Variants in L3MBTL3 observed in about 807,000 individuals in gnomAD.
L3MBTL3 encodes L3MBTL histone methyl-lysine binding protein 3, also known as lethal(3)malignant brain tumor-like protein 3.
Under a neutral mutation model 102.3 loss-of-function variants are expected in L3MBTL3, and 27 were observed. The ratio of observed to expected loss-of-function variants is 0.26; its 90% CI spans 0.19 to 0.36. The LOEUF (loss-of-function observed/expected upper bound fraction) is 0.36, where lower values mean the gene tolerates loss of function less well. Among genes scored for constraint, L3MBTL3 ranks in the 10% least tolerant of loss-of-function variants. The pLI, the probability that L3MBTL3 is intolerant of heterozygous loss-of-function variation, is 1.00. For synonymous variants in L3MBTL3, 340 were observed against 320.9 expected, an observed-to-expected ratio of 1.06 and a Z score of -0.64; for missense variants, 798 against 955.3, an observed-to-expected ratio of 0.84 and a Z score of 2.17.
chr6:130,049,320 A>G lies in L3MBTL3; in HGVS notation c.141A>G (p.Thr47=). 1 of 1,613,882 alleles carries G rather than the reference A, an allele frequency of 6.2e-7. No homozygotes were observed. Among genetic ancestry groups the G allele is most frequent in the Non-Finnish European group, 8.5e-7 (1 of 1,179,768 alleles). Residue 47 remains threonine (T), a synonymous_variant, in exon 4 of 23, where the codon ACA becomes ACG. Coordinates refer to ENST00000361794, the MANE Select transcript of L3MBTL3 (RefSeq NM_032438.4). ...VNEFGALEVI[T]DENEMENVKK... is the part of the protein sequence containing the mutation. ...AGTTTGGAGCCCTGGAAGTTATTAC[A>G]GATGAGAATGAGATGGAAAATGTTA... is the stretch of plus-strand genomic sequence containing the variant.
At chr6:130,121,092 G>A in intron 20 of L3MBTL3, 134 bp downstream of exon 20, 1 of 621,028 alleles carries the variant, frequency 1.6e-6, no homozygotes, top group Non-Finnish European at 2.8e-6. Flanking sequence ...TTTTATTTTA[G>A]GTTCAGGGAT....
intron 10 of L3MBTL3, among the ~76,000 whole-genome samples, chr6:130,065,763 C>CT (rs1782205690): frequency 6.6e-6 from 1 of 152,134 alleles, no homozygotes; most frequent in African/African-American, 2.4e-5. Flanking sequence ...CAGAATGTCT[C>CT]TAAGTGGGGC....
At chr6:130,099,229 A>G (rs1293214365) in intron 18 of L3MBTL3, among the ~76,000 whole-genome samples, 1 of 152,188 alleles carries the variant, frequency 6.6e-6, no homozygotes, top group Non-Finnish European at 1.5e-5. Flanking sequence ...AGAGAACAGT[A>G]TCATCCTATG....
At chr6:130,087,431 T>C (rs139460278) in intron 16 of L3MBTL3, among the ~76,000 whole-genome samples, 74 of 152,286 alleles carry the variant, frequency 4.9e-4, no homozygotes, top group Non-Finnish European at 1.0e-3. Flanking sequence ...CAAATACATT[T>C]ACAATTAAGT....
intron 10 of L3MBTL3, 67 bp from the exon 11 acceptor site, chr6:130,066,286 G>GTGTATATATA (rs1554227522): frequency 5.3e-4 from 205 of 387,576 alleles, no homozygotes; most frequent in Non-Finnish European, 6.4e-4. Context: ...TTATTTTTGT[G>GTGTATATATA]TATATATATA....
rs187457921 is a variant in L3MBTL3 at position 130,021,004 on chromosome 6, G to C, written c.-94-1223G>C. The stretch of plus-strand genomic sequence containing the variant: ...ATTTGGGGTGGGGGGGCGCGGCCGG[G>C]GCGAGTGCGTCCAGTTCTCCTTTTG... On this transcript the variant is annotated intron_variant, in intron 1 of 22. Coordinates refer to ENST00000361794, the MANE Select transcript of L3MBTL3 (RefSeq NM_032438.4). Among the ~76,000 whole-genome samples the C allele has an allele frequency of 2.5e-3, 380 of 152,136 alleles. 2 individuals carry two copies. The highest frequency in any genetic ancestry group is 0.01 in the Middle Eastern group (3 of 294).
intron 6 of L3MBTL3, 106 bp downstream of exon 6, chr6:130,051,514 T>A (rs1441829524): frequency 9.8e-7 from 1 of 1,023,708 alleles, no homozygotes; most frequent in Non-Finnish European, 1.5e-6. Flanking sequence ...CACCTATTGA[T>A]ACCTTTTTCC....
intron 10 of L3MBTL3, among the ~76,000 whole-genome samples, chr6:130,060,565 A>G (rs1353959992): frequency 6.6e-6 from 1 of 152,006 alleles, no homozygotes; most frequent in African/African-American, 2.4e-5. Flanking sequence ...AGTCTAATAT[A>G]TTACTGAGAG....
intron 10 of L3MBTL3, among the ~76,000 whole-genome samples, chr6:130,065,375 A>C (rs997720170): frequency 9.2e-5 from 14 of 152,214 alleles, no homozygotes; most frequent in African/African-American, 3.1e-4. Context: ...TGTATACATA[A>C]TCATATACCC....
At chr6:130,123,619 A>G (rs1405776155) in intron 20 of L3MBTL3, among the ~76,000 whole-genome samples, 1 of 152,184 alleles carries the variant, frequency 6.6e-6, no homozygotes. Flanking sequence ...AAATTTATCT[A>G]TAGTGAAAAT....
At chr6:130,138,318 C>T (rs915907299) in intron 22 of L3MBTL3, 7 of 152,176 alleles carry the variant, frequency 4.6e-5, no homozygotes, top group African/African-American at 1.4e-4. Context: ...AGCTGAGAAT[C>T]TGAAGAAGGC....
At chr6:130,102,337 G>A (rs1191802506) in intron 18 of L3MBTL3, among the ~76,000 whole-genome samples, 1 of 151,934 alleles carries the variant, frequency 6.6e-6, no homozygotes, top group African/African-American at 2.4e-5. Flanking sequence ...TTGTCCCATT[G>A]GAATCTTCTC....
chr6:130,050,119 C>G (rs1416703730), intron 5 of L3MBTL3, among the ~76,000 whole-genome samples: 2 of 152,226 alleles, frequency 1.3e-5, no homozygotes, highest in African/African-American at 4.8e-5. Context: ...CTCATCTGAA[C>G]TATTGCAGAT....
intron 22 of L3MBTL3, among the ~76,000 whole-genome samples, chr6:130,134,616 TCTC>T (rs2114444935): frequency 6.6e-6 from 1 of 152,278 alleles, no homozygotes; most frequent in African/African-American, 2.4e-5. Flanking sequence ...TTGCCTGTCA[TCTC>T]CTCCAAGCAA....
At chr6:130,125,427 A>G (rs969802332) in intron 20 of L3MBTL3, among the ~76,000 whole-genome samples, 5 of 152,156 alleles carry the variant, frequency 3.3e-5, no homozygotes, top group Non-Finnish European at 7.3e-5. Context: ...TCTTCTGTCT[A>G]TAACTCAGTG....
chr6:130,084,364 ATT>A (rs200950921), intron 15 of L3MBTL3, among the ~76,000 whole-genome samples: 1 of 152,052 alleles, frequency 6.6e-6, no homozygotes, highest in Non-Finnish European at 1.5e-5. Context: ...TCAAATATTT[ATT>A]TTTTTAAATG....
chr6:130,058,032 A>G lies in L3MBTL3; in HGVS notation c.759+535A>G, dbSNP rs1781627081. On this transcript the variant is annotated intron_variant, in intron 9 of 22. Coordinates refer to ENST00000361794, the MANE Select transcript of L3MBTL3 (RefSeq NM_032438.4). The stretch of plus-strand genomic sequence containing the variant: ...GTGGCGGGTGCCTGTAGTCCCAGCT[A>G]CTCGGGAGGCTGAGGCAGGAGAATG... Among the ~76,000 whole-genome samples, 2 of 151,006 alleles carry G rather than the reference A, an allele frequency of 1.3e-5. 1 individual carries two copies. The highest frequency in any genetic ancestry group is 3.9e-4 in the East Asian group (2 of 5,120).
intron 20 of L3MBTL3, 147 bp downstream of exon 20, chr6:130,121,105 A>G: frequency 1.7e-6 from 1 of 595,888 alleles, no homozygotes; most frequent in East Asian, 3.0e-5. Flanking sequence ...TCAGGGATAC[A>G]TGTGAAGGTT....
At chr6:130,052,745 G>A in intron 6 of L3MBTL3, 114 bp from the exon 7 acceptor site, 1 of 1,324,456 alleles carries the variant, frequency 7.6e-7, no homozygotes, top group South Asian at 1.7e-5. Flanking sequence ...GGTAGTTAAA[G>A]ATTTTTCCTT....
Sources: gnomAD v4.1 joint callset for allele counts (sites outside exome capture counted in the v4.1 genomes callset) on GRCh38, gnomAD v4.1.1 for gene constraint, MANE v1.5 for transcripts, NCBI Gene and HGNC (gene_info 2026-07-23, HGNC 2026-07-21) for gene names.